PLEKHM3: variants seen among roughly 807,000 people sequenced by gnomAD.
PLEKHM3 encodes pleckstrin homology domain-containing family M member 3.
In PLEKHM3, 45 loss-of-function variants were observed where a neutral mutation model predicts 81.8. The ratio of observed to expected loss-of-function variants is 0.55; its 90% CI spans 0.43 to 0.71. The LOEUF (loss-of-function observed/expected upper bound fraction) is 0.71. PLEKHM3 is among the 30% of genes least tolerant of loss of function. PLEKHM3 has a pLI of 0.00. For missense variants in PLEKHM3, 788 were observed against 924.3 expected, an observed-to-expected ratio of 0.85 and a Z score of 1.91; for synonymous variants, 352 against 356.4, an observed-to-expected ratio of 0.99 and a Z score of 0.14.
At chr2:207,929,012 A>T (rs1175330537) in intron 5 of PLEKHM3, among the ~76,000 whole-genome samples, 1 of 152,228 alleles carries the variant, frequency 6.6e-6, no homozygotes. Flanking sequence ...GCTACTAGCT[A>T]TTACTCAGTG....
intron 7 of PLEKHM3, among the ~76,000 whole-genome samples, chr2:207,833,349 C>CTGG (rs1270826540): frequency 1.3e-5 from 2 of 152,200 alleles, no homozygotes; most frequent in African/African-American, 4.8e-5. Flanking sequence ...CATTCTGAGT[C>CTGG]ATCCAGTCCA....
At chr2:208,011,885 C>CCT (rs1364609141) in intron 1 of PLEKHM3, among the ~76,000 whole-genome samples, 2 of 141,564 alleles carry the variant, frequency 1.4e-5, no homozygotes, top group Admixed American at 1.5e-4. Context: ...GCAACCTCTG[C>CCT]CTCCTAGGTT....
At chr2:207,911,603 T>C (rs576621076) in intron 5 of PLEKHM3, among the ~76,000 whole-genome samples, 2 of 152,320 alleles carry the variant, frequency 1.3e-5, no homozygotes, top group South Asian at 2.1e-4. Context: ...AAGGGAGCAG[T>C]GTATGATAAT....
At chr2:207,871,011 G>A (rs2092531096) in intron 6 of PLEKHM3, among the ~76,000 whole-genome samples, 1 of 152,110 alleles carries the variant, frequency 6.6e-6, no homozygotes, top group Non-Finnish European at 1.5e-5. Flanking sequence ...AGGAGGCTGA[G>A]GTGGGAGGAT....
intron 3 of PLEKHM3, among the ~76,000 whole-genome samples, chr2:207,963,486 GACA>G (rs1366939819): frequency 6.6e-6 from 1 of 152,182 alleles, no homozygotes; most frequent in Non-Finnish European, 1.5e-5. Context: ...CTGCAGTTGA[GACA>G]AGATTTAGAA....
chr2:207,919,436 C>T (rs1689110552), intron 5 of PLEKHM3, among the ~76,000 whole-genome samples: 1 of 152,096 alleles, frequency 6.6e-6, no homozygotes, highest in East Asian at 1.9e-4. Context: ...GTCTTAAGAA[C>T]AGACTGAAGG....
At chr2:207,914,702 A>G (rs946034395) in intron 5 of PLEKHM3, among the ~76,000 whole-genome samples, 1 of 150,502 alleles carries the variant, frequency 6.6e-6, no homozygotes, top group Non-Finnish European at 1.5e-5. Flanking sequence ...AAAAAAAAGT[A>G]ATTACTAATT....
Position 208,001,100 on chromosome 2 carries a change from G to T in PLEKHM3, c.540C>A (p.Gly180=). 6.3e-7 allele frequency: 1 copy of T among 1,584,388 alleles called. No individual in the cohort carries two copies. The highest frequency in any genetic ancestry group is 8.6e-7 in the Non-Finnish European group (1 of 1,165,200). The stretch of plus-strand genomic sequence containing the variant: ...GAAAAGATGGCCTGGTGACATGCGG[G>T]CCTTGAAGCAATGGCTGCTGCTGTT... ...QQQQQQPLLQ[G]PHVTRPSFLL... is the part of the protein sequence containing the mutation. The change falls in exon 2 of 8, where the codon GGC becomes GGA. Residue 180 remains glycine, a synonymous_variant. Coordinates refer to ENST00000427836, the MANE Select transcript of PLEKHM3 (RefSeq NM_001080475.3).
chr2:207,935,430 C>T (rs1170462192), intron 4 of PLEKHM3, among the ~76,000 whole-genome samples: 1 of 152,222 alleles, frequency 6.6e-6, no homozygotes, highest in African/African-American at 2.4e-5. Context: ...TCTTTCTCTA[C>T]CTTGCTGCAT....
chr2:207,951,171 G>A (rs2105978009), intron 3 of PLEKHM3, among the ~76,000 whole-genome samples: 1 of 152,188 alleles, frequency 6.6e-6, no homozygotes, highest in African/African-American at 2.4e-5. Flanking sequence ...TCATTGTGGG[G>A]TTTTTAACAG....
At chr2:207,943,986 A>C (rs1690035903) in intron 4 of PLEKHM3, among the ~76,000 whole-genome samples, 1 of 152,204 alleles carries the variant, frequency 6.6e-6, no homozygotes, top group Non-Finnish European at 1.5e-5. Flanking sequence ...TTAAAGCCAC[A>C]GATTTCAATT....
rs759699218 is a variant in PLEKHM3 at position 207,930,982 on chromosome 2, C to G, written c.1830G>C (p.Ser610=). 16 of 1,613,688 alleles carry G rather than the reference C, an allele frequency of 9.9e-6. No individual in the cohort carries two copies. Among genetic ancestry groups the G allele is most frequent in the Non-Finnish European group, 1.4e-5 (16 of 1,179,662 alleles). ...AVLRLRQRLK[S]LRAYLFSCRA... is the part of the protein sequence containing the mutation. ...GGCAGCTGAACAAATAGGCTCGGAG[C>G]GACTTCAGCCGCTGCCGCAGCCGCA... Residue 610 remains serine, a synonymous_variant, in exon 5 of 8, where the codon TCG becomes TCC. Coordinates refer to ENST00000427836, the MANE Select transcript of PLEKHM3 (RefSeq NM_001080475.3).
At chr2:207,908,462 G>T (rs546933503) in intron 6 of PLEKHM3, 52 bp downstream of exon 6, 1 of 1,528,562 alleles carries the variant, frequency 6.5e-7, no homozygotes, top group Admixed American at 1.8e-5. Flanking sequence ...AGTCAACAAA[G>T]AGACTTCTCC....
At chr2:207,840,460 T>C (rs548619671) in intron 7 of PLEKHM3, among the ~76,000 whole-genome samples, 3 of 152,348 alleles carry the variant, frequency 2.0e-5, no homozygotes, top group African/African-American at 7.2e-5. Context: ...CCTCCCCATG[T>C]GTTGTGATAA....
At chr2:207,906,504 T>C (rs1247080451) in intron 6 of PLEKHM3, among the ~76,000 whole-genome samples, 3 of 152,206 alleles carry the variant, frequency 2.0e-5, no homozygotes, top group Non-Finnish European at 2.9e-5. Flanking sequence ...AAAATAACTT[T>C]CTGGCAGGGA....
Position 207,931,087 on chromosome 2 carries a change from G to A in PLEKHM3, c.1725C>T (p.Tyr575=), listed in dbSNP as rs368891102. 2 of 1,613,562 alleles carry A rather than the reference G, an allele frequency of 1.2e-6. No individual in the cohort carries two copies. Among genetic ancestry groups the A allele is most frequent in the Non-Finnish European group, 1.7e-6 (2 of 1,179,634 alleles). ...TGTCGATGAGCGGCTCTTCGTACAC[G>A]TACTCCAGAAACTCCTTGGCCTGCT... The part of the protein sequence containing the change: ...VSKQAKEFLE[Y]VYEEPLIDIQ... Residue 575 remains tyrosine (Y), a synonymous_variant, in exon 5 of 8, where the codon TAC becomes TAT. Transcript: ENST00000427836.
intron 7 of PLEKHM3, among the ~76,000 whole-genome samples, chr2:207,840,218 T>C (rs534306953): frequency 6.6e-6 from 1 of 152,344 alleles, no homozygotes; most frequent in Admixed American, 6.5e-5. Flanking sequence ...AGACAGGGTC[T>C]TGCTGTTGCC....
intron 7 of PLEKHM3, among the ~76,000 whole-genome samples, chr2:207,838,842 T>C (rs1243376065): frequency 6.6e-6 from 1 of 152,212 alleles, no homozygotes; most frequent in Non-Finnish European, 1.5e-5. Context: ...CTACACTGTA[T>C]TATAATTGTA....
At chr2:207,927,743 T>C (rs567717971) in intron 5 of PLEKHM3, among the ~76,000 whole-genome samples, 6 of 151,922 alleles carry the variant, frequency 3.9e-5, no homozygotes, top group East Asian at 1.9e-4. Context: ...GGCAGGAGAA[T>C]TGCTGGAACC....
Sources: allele counts gnomAD v4.1 joint callset (sites outside exome capture counted in the v4.1 genomes callset), GRCh38; gene constraint gnomAD v4.1.1; transcripts MANE v1.5; gene names NCBI Gene and HGNC (gene_info 2026-07-23, HGNC 2026-07-21).